The following FSD1 variants were observed in gnomAD, a reference collection of about 807,000 sequenced individuals.
FSD1 encodes the protein fibronectin type III and SPRY domain-containing protein 1.
FSD1 carries 23 observed loss-of-function variants against 58.2 expected under a neutral mutation model. The observed-to-expected ratio is 0.40, with a 90% CI of 0.28 to 0.56. The LOEUF (loss-of-function observed/expected upper bound fraction) is 0.56. Ranked by LOEUF, FSD1 falls within the 20% of genes least tolerant of loss-of-function variation. The pLI is 0.54. For synonymous variants in FSD1, 265 were observed against 263.4 expected, an observed-to-expected ratio of 1.01 and a Z score of -0.06; for missense variants, 563 against 670.8, an observed-to-expected ratio of 0.84 and a Z score of 1.78.
At chr19:4,308,314 G>A (rs1270140837) in intron 4 of FSD1, among the ~76,000 whole-genome samples, 2 of 152,050 alleles carry the variant, frequency 1.3e-5, no homozygotes, top group Non-Finnish European at 2.9e-5. Flanking sequence ...AGGCTGAGGC[G>A]GGAGAATCGC....
In FSD1 at chr19:4,311,851, C is replaced by T. The variant is rs1279457468; in HGVS notation, c.500C>T (p.Ala167Val). 2.5e-6 allele frequency: 4 copies of T among 1,614,032 alleles called. No individual in the cohort carries two copies. The African/African-American group carries it at 4.0e-5, about 16-fold the overall frequency. ...TTTCCGTCTTGGTCAGTGCCCAGCG[C>T]ACCCGTGATCGACCTGGCTGAGTCC... ...QALKFLPVPS[A>V]PVIDLAESLV... The change falls in exon 7 of 13, where the codon GCA (alanine) becomes GTA (valine). Residue 167 changes from alanine (A) to valine (V), a missense_variant. Ala to Val is a moderately conservative substitution (Grantham distance 64). Coordinates refer to ENST00000221856, the MANE Select transcript of FSD1 (RefSeq NM_024333.3).
At chr19:4,306,474 T>G in intron 3 of FSD1, 145 bp downstream of exon 3, 1 of 597,368 alleles carries the variant, frequency 1.7e-6, no homozygotes. Flanking sequence ...CACTCTCTCT[T>G]TTTTTTTTTT....
In FSD1 at chr19:4,311,781, G is replaced by A. The variant is rs1971694488; in HGVS notation, c.491-61G>A. On this transcript the variant is annotated intron_variant, in intron 6 of 12. Transcript: ENST00000221856. ...ATGTGGTTGGGCAGCCCTGCAGCAA[G>A]CCCCCTGCCCCCTGAACCAGGCACA... is the stretch of plus-strand genomic sequence containing the variant. 4.0e-6 allele frequency: 6 copies of A among 1,511,784 alleles called. No homozygotes were observed. The South Asian group carries it at 5.7e-5, about 14-fold the overall frequency. The allele number at this position is 1,511,784 out of a possible 1,614,324, so 93.6% of individuals were successfully genotyped here.
At chr19:4,315,758 C>T (rs1009080007) in intron 7 of FSD1, among the ~76,000 whole-genome samples, 8 of 151,670 alleles carry the variant, frequency 5.3e-5, no homozygotes, top group African/African-American at 7.3e-5. Flanking sequence ...ATTACAGGCC[C>T]CCGCCACCAC....
intron 1 of FSD1, 50 bp downstream of exon 1, chr19:4,304,811 A>T (rs1599531200): frequency 1.9e-6 from 1 of 514,628 alleles, no homozygotes; most frequent in East Asian, 4.0e-5. Flanking sequence ...GGGGGCGGGG[A>T]AGGGGACCAG....
intron 1 of FSD1, 124 bp from the exon 2 acceptor site, chr19:4,305,822 G>C (rs1252504304): frequency 1.2e-5 from 9 of 727,302 alleles, no homozygotes; most frequent in Non-Finnish European, 2.0e-5. Context: ...GTGTGCGCAC[G>C]CGTGTGCATT....
In FSD1 at chr19:4,306,355, C is replaced by A. The variant is rs768120911; in HGVS notation, c.243+26C>A. On this transcript the variant is annotated intron_variant, in intron 3 of 12. Transcript: ENST00000221856. ...GTGAGGGCTGAGGGCATCTTCCTCTCCCCCCGCCCCTCCTACTCAACAGAA... is the reference window on the plus strand; with the variant it reads ...GTGAGGGCTGAGGGCATCTTCCTCTACCCCCGCCCCTCCTACTCAACAGAA... 6 of 1,611,014 alleles carry A rather than the reference C, an allele frequency of 3.7e-6. No individual in the cohort carries two copies. In the Admixed American group the frequency reaches 1.0e-4, roughly 27 times the overall value.
Position 4,323,129 on chromosome 19 carries a change from G to A in FSD1, c.1183G>A (p.Val395Ile), listed in dbSNP as rs778886532. Reference protein sequence around the residue: ...GKTAASWCLHVNNWLQVSFTA... With the variant: ...GKTAASWCLHINNWLQVSFTA... ...GACGGCCGCCTCCTGGTGCCTGCAC[G>A]TCAACAATTGGCTGCAGGTCAGCTT... is the stretch of plus-strand genomic sequence containing the variant. Residue 395 changes from valine (V) to isoleucine (I), a missense_variant, in exon 11 of 13, where the codon GTC becomes ATC. By Grantham distance (29) the Val-to-Ile change is conservative. Coordinates refer to ENST00000221856, the MANE Select transcript of FSD1 (RefSeq NM_024333.3). This position sits in a 1 kb window ranked among gnomAD's most constrained non-coding sequence, Gnocchi z 7.7. 47 of 1,606,126 alleles carry A rather than the reference G, an allele frequency of 2.9e-5. No individual in the cohort carries two copies. The highest frequency in any genetic ancestry group is 3.3e-4 in the Middle Eastern group (2 of 6,080).
chr19:4,319,819 G>C (rs1325750198), intron 10 of FSD1, among the ~76,000 whole-genome samples: 2 of 152,120 alleles, frequency 1.3e-5, no homozygotes, highest in Non-Finnish European at 2.9e-5. Context: ...AGCAGACCTG[G>C]AGAAGACGTG....
At chr19:4,316,066 C>CT (rs969824946) in intron 7 of FSD1, among the ~76,000 whole-genome samples, 142 of 148,210 alleles carry the variant, frequency 9.6e-4, no homozygotes, top group African/African-American at 3.3e-3. Context: ...CGCACTTGGC[C>CT]TTTTTTTTTT....
chr19:4,309,216 C>G (rs183607498), intron 4 of FSD1, among the ~76,000 whole-genome samples: 244 of 152,024 alleles, frequency 1.6e-3, no homozygotes, highest in Middle Eastern at 6.8e-3. Context: ...ACACTGCACT[C>G]TAGCCTGAGG....
chr19:4,319,618 A>G (rs1971792830), intron 10 of FSD1, among the ~76,000 whole-genome samples: 1 of 152,130 alleles, frequency 6.6e-6, no homozygotes, highest in Non-Finnish European at 1.5e-5. Context: ...CTAGGGCCTA[A>G]GGGGAAGTTA....
At chr19:4,321,682 T>C (rs375025504) in intron 10 of FSD1, among the ~76,000 whole-genome samples, 21 of 149,374 alleles carry the variant, frequency 1.4e-4, no homozygotes, top group South Asian at 1.3e-3. Context: ...CTGGAGGGAA[T>C]AGCTGGGACC....
At chr19:4,316,481 A>G (rs1485646047) in intron 7 of FSD1, among the ~76,000 whole-genome samples, 1 of 149,516 alleles carries the variant, frequency 6.7e-6, no homozygotes, top group Non-Finnish European at 1.5e-5. Context: ...TCGGCCTCCC[A>G]AAGTGCTGAC....
At chr19:4,314,331 G>A (rs189099238) in intron 7 of FSD1, among the ~76,000 whole-genome samples, 9 of 152,006 alleles carry the variant, frequency 5.9e-5, no homozygotes, top group African/African-American at 1.7e-4. Flanking sequence ...AAGTGCCCCC[G>A]CCTTTTGGTT....
At chr19:4,308,653 C>T (rs915421619) in intron 4 of FSD1, among the ~76,000 whole-genome samples, 1 of 152,098 alleles carries the variant, frequency 6.6e-6, no homozygotes, top group South Asian at 2.1e-4. Context: ...GTCAGGAGAT[C>T]AAGACCATCC....
chr19:4,322,304 A>G (rs1971702730), intron 10 of FSD1, among the ~76,000 whole-genome samples: 1 of 143,378 alleles, frequency 7.0e-6, no homozygotes, highest in Non-Finnish European at 1.5e-5. Context: ...CCTGAGGAGT[A>G]TCTGGGGGGG....
At chr19:4,312,240 G>T (rs1971701576) in intron 7 of FSD1, among the ~76,000 whole-genome samples, 189 bp downstream of exon 7, 1 of 152,200 alleles carries the variant, frequency 6.6e-6, no homozygotes, top group African/African-American at 2.4e-5. Context: ...TGTAATCCCA[G>T]CACTTTGGGA....
intron 10 of FSD1, among the ~76,000 whole-genome samples, chr19:4,319,906 ATG>A (rs1971795631): frequency 6.6e-6 from 1 of 152,070 alleles, no homozygotes; most frequent in Non-Finnish European, 1.5e-5. Context: ...GGGCGAGAGT[ATG>A]AGGAGAAGCT....
Sources: gnomAD v4.1 joint callset for allele counts (sites outside exome capture counted in the v4.1 genomes callset) on GRCh38, gnomAD v4.1.1 for gene constraint, Gnocchi (gnomAD v3.1) non-coding constraint, MANE v1.5 for transcripts, NCBI Gene and HGNC (gene_info 2026-07-23, HGNC 2026-07-21) for gene names.